The following PDLIM5 variants were observed in gnomAD, a reference collection of about 807,000 sequenced individuals.
The protein encoded by PDLIM5 is PDZ and LIM domain 5.
PDLIM5 carries 34 observed loss-of-function variants against 64.2 expected under a neutral mutation model. The ratio of observed to expected loss-of-function variants is 0.53; its 90% confidence interval spans 0.40 to 0.71. The LOEUF is 0.71. Ranked by LOEUF, PDLIM5 falls within the 30% of genes least tolerant of loss-of-function variation. PDLIM5 has a pLI of 0.00. For missense variants in PDLIM5, 683 were observed against 733.6 expected (o/e 0.93, Z 0.80); for synonymous variants, 253 against 269.1 (o/e 0.94, Z 0.59).
chr4:94,476,348 C>T (rs2510763), intron 2 of PDLIM5, among the ~76,000 whole-genome samples: 55,957 of 151,918 alleles, frequency 0.37, 10,873 homozygotes, highest in Non-Finnish European at 0.44. Flanking sequence ...TAGTCCTTTT[C>T]TCTCGCTGTC....
rs139682520 is a variant in PDLIM5 at position 94,633,880 on chromosome 4, G to A, written c.1109-6396G>A. Among the ~76,000 whole-genome samples, 614 of 152,288 alleles carry A rather than the reference G, an allele frequency of 4.0e-3. 4 individuals carry two copies. Among genetic ancestry groups the A allele is most frequent in the African/African-American group, 0.014 (582 of 41,552 alleles). ...AAGCTACATTGATAATACGGCCTTT[G>A]AGCAGAGACCAGAAGGAAGTGAGGG... On this transcript the variant is annotated intron_variant, in intron 8 of 12. Coordinates refer to ENST00000317968, the MANE Select transcript of PDLIM5 (RefSeq NM_006457.5).
At chr4:94,651,881 T>C (rs555077531) in intron 9 of PDLIM5, among the ~76,000 whole-genome samples, 2 of 152,300 alleles carry the variant, frequency 1.3e-5, no homozygotes, top group East Asian at 3.9e-4. Flanking sequence ...CAACTACCAG[T>C]ACAGGTTCAT....
At chr4:94,629,777 T>C (rs1739994841) in intron 8 of PDLIM5, among the ~76,000 whole-genome samples, 1 of 152,204 alleles carries the variant, frequency 6.6e-6, no homozygotes, top group Non-Finnish European at 1.5e-5. Context: ...CTTAGAGAAA[T>C]GGTAATAGTT....
chr4:94,527,066 TTTTTTTTTGAG>T (rs1281744487), intron 3 of PDLIM5, among the ~76,000 whole-genome samples: 3 of 131,978 alleles, frequency 2.3e-5, no homozygotes, highest in African/African-American at 9.1e-5. Flanking sequence ...TTTTTTTTTT[TTTTTTTTTGAG>T]ACAGAGTCTC....
In PDLIM5 at chr4:94,461,896, A is replaced by C. The variant is rs138505587; in HGVS notation, c.96+6512A>C. Among the ~76,000 whole-genome samples, 746 of 152,316 alleles carry C rather than the reference A, an allele frequency of 4.9e-3. 12 individuals are homozygous for C. The highest frequency in any genetic ancestry group is 0.016 in the African/African-American group (664 of 41,572). On this transcript the variant is annotated intron_variant, in intron 2 of 12. Coordinates refer to ENST00000317968, the MANE Select transcript of PDLIM5 (RefSeq NM_006457.5). ...TAAAGAGGACTTTTTAAAAGGCTGC[A>C]GCGTGTCACCCAGGCGGGAGTGCAG...
chr4:94,529,480 A>G (rs1196605033), intron 3 of PDLIM5, among the ~76,000 whole-genome samples: 1 of 152,206 alleles, frequency 6.6e-6, no homozygotes, highest in Non-Finnish European at 1.5e-5. Flanking sequence ...ATATACGTGT[A>G]TATTCAAAAT....
At position 94,665,494 on chromosome 4, in the gene PDLIM5, AAAAAAAAAAAAAGAG is replaced by A. The variant is rs1290906057; in HGVS notation, c.*1429_*1443del. 2.6e-6 allele frequency: 2 copies of A among 767,804 alleles called. No individual in the cohort carries two copies. Among genetic ancestry groups the A allele is most frequent in the Non-Finnish European group, 3.1e-6 (2 of 647,250 alleles). The allele number at this position is 767,804 out of a possible 1,614,324, so 47.6% of individuals were successfully genotyped here. A position where few individuals can be genotyped will look rare whatever the true frequency, so the allele number is the denominator to read the frequency against. On this transcript the variant is annotated 3_prime_UTR_variant, in exon 13 of 13. Transcript: ENST00000317968. ...GACTCCGGCTCTTAAAAAAAAAAAA[AAAAAAAAAAAAAGAG>A]AGAGAGAGAATAAATAGAAAAGAAT...
chr4:94,666,915 A>C lies in PDLIM5; in HGVS notation c.*2848A>C, dbSNP rs1421631665. 2 of 152,174 alleles carry C rather than the reference A, an allele frequency of 1.3e-5. No homozygotes were observed. The highest frequency in any genetic ancestry group is 4.8e-5 in the African/African-American group (2 of 41,450). The allele number at this position is 152,174 out of a possible 1,614,324, so 9.4% of individuals were successfully genotyped here. On this transcript the variant is annotated 3_prime_UTR_variant, in exon 13 of 13. Coordinates refer to ENST00000317968, the MANE Select transcript of PDLIM5 (RefSeq NM_006457.5). ...ATAAATATTGAACATAATCCAGAAG[A>C]ATCTCTCTGTTTCCCTTGGGGAATG...
At chr4:94,647,376 T>A (rs1578537762) in intron 9 of PDLIM5, among the ~76,000 whole-genome samples, 2 of 151,526 alleles carry the variant, frequency 1.3e-5, no homozygotes, top group Admixed American at 1.3e-4. Flanking sequence ...AAAATCGATG[T>A]TAAGACAAAA....
intron 9 of PDLIM5, among the ~76,000 whole-genome samples, chr4:94,652,336 G>A (rs1741903320): frequency 6.6e-6 from 1 of 152,182 alleles, no homozygotes; most frequent in Non-Finnish European, 1.5e-5. Context: ...TGTGCAGCCA[G>A]AGAGTAGCAT....
chr4:94,484,198 C>A (rs1336395595), intron 2 of PDLIM5, among the ~76,000 whole-genome samples: 2 of 152,048 alleles, frequency 1.3e-5, no homozygotes, highest in African/African-American at 4.8e-5. Flanking sequence ...TACAGGGGAA[C>A]AAATAAAAAC....
At chr4:94,610,207 C>T (rs535855105) in intron 7 of PDLIM5, 22 of 1,524,372 alleles carry the variant, frequency 1.4e-5, no homozygotes, top group Admixed American at 4.0e-5. Flanking sequence ...CGAAGGTTTT[C>T]GAAACTTTTC....
At chr4:94,580,456 C>T (rs1399415683) in intron 5 of PDLIM5, among the ~76,000 whole-genome samples, 1 of 151,930 alleles carries the variant, frequency 6.6e-6, no homozygotes, top group African/African-American at 2.4e-5. Flanking sequence ...TGTAAACATC[C>T]CCAAACCCTG....
chr4:94,486,963 A>C (rs1019109492), intron 2 of PDLIM5, among the ~76,000 whole-genome samples: 6 of 152,186 alleles, frequency 3.9e-5, no homozygotes, highest in African/African-American at 1.4e-4. Flanking sequence ...TAATCATGCC[A>C]CTGCACTCCA....
chr4:94,472,098 T>C (rs1724927843), intron 2 of PDLIM5, among the ~76,000 whole-genome samples: 1 of 152,094 alleles, frequency 6.6e-6, no homozygotes, highest in South Asian at 2.1e-4. Context: ...CAATTCTGCT[T>C]TTCTTTTTTG....
chr4:94,470,483 GA>G (rs1216740167), intron 2 of PDLIM5, among the ~76,000 whole-genome samples: 3 of 152,142 alleles, frequency 2.0e-5, no homozygotes, highest in Admixed American at 6.6e-5. Flanking sequence ...CTGTTGAGCT[GA>G]AAAAATTTTT....
At chr4:94,472,903 AAGATACAGC>A (rs1437523648) in intron 2 of PDLIM5, among the ~76,000 whole-genome samples, 25 of 152,382 alleles carry the variant, frequency 1.6e-4, no homozygotes, top group Non-Finnish European at 2.5e-4. Flanking sequence ...CTAGGAACTA[AAGATACAGC>A]AGTGAATAAA....
chr4:94,523,647 G>C, intron 2 of PDLIM5, 77 bp from the exon 3 acceptor site: 16 of 1,120,534 alleles, frequency 1.4e-5, no homozygotes, highest in Non-Finnish European at 2.1e-5. Context: ...TTTGGTATAA[G>C]CAAAAGTATA....
At chr4:94,580,880 A>G (rs1029684800) in intron 5 of PDLIM5, among the ~76,000 whole-genome samples, 8 of 152,136 alleles carry the variant, frequency 5.3e-5, no homozygotes, top group Non-Finnish European at 7.4e-5. Context: ...TAATGATTAT[A>G]GAATTGAATT....
Sources: allele counts gnomAD v4.1 joint callset (sites outside exome capture counted in the v4.1 genomes callset), GRCh38; gene constraint gnomAD v4.1.1; transcripts MANE v1.5; gene names NCBI Gene and HGNC (gene_info 2026-07-23, HGNC 2026-07-21).